Variants in AGBL3 observed in about 807,000 individuals in gnomAD.
AGBL3 encodes cytosolic carboxypeptidase 3.
AGBL3 carries 68 observed loss-of-function variants against 94.5 expected under a neutral mutation model. That is an observed-to-expected ratio of 0.72 (90% CI 0.59 to 0.88). The LOEUF (loss-of-function observed/expected upper bound fraction) is 0.88, where lower values mean the gene tolerates loss of function less well. AGBL3 is among the 40% of genes least tolerant of loss of function. AGBL3 has a pLI of 0.00. For synonymous variants in AGBL3, 354 were observed against 370.7 expected, an observed-to-expected ratio of 0.95 and a Z score of 0.52; for missense variants, 934 against 1,103.8, an observed-to-expected ratio of 0.85 and a Z score of 2.18.
chr7:135,124,999 G>A (rs74999598), intron 16 of AGBL3, among the ~76,000 whole-genome samples: 1 of 151,920 alleles, frequency 6.6e-6, no homozygotes, highest in Non-Finnish European at 1.5e-5. Flanking sequence ...AGCTAGAGAG[G>A]CAAGAGCAAA....
chr7:135,011,215 T>C (rs1240540446), intron 4 of AGBL3: 2 of 152,124 alleles, frequency 1.3e-5, no homozygotes, highest in African/African-American at 4.8e-5. Flanking sequence ...AATAATTGGA[T>C]TTCCATATGG....
intron 4 of AGBL3, chr7:135,011,475 A>C (rs889237991): frequency 4.6e-5 from 7 of 152,056 alleles, no homozygotes; most frequent in Admixed American, 2.6e-4. Context: ...GGCAAACAAT[A>C]GTTTGGGAGA....
intron 5 of AGBL3, among the ~76,000 whole-genome samples, chr7:135,024,705 G>A (rs912587480): frequency 4.6e-5 from 7 of 152,132 alleles, no homozygotes; most frequent in South Asian, 2.1e-4. Context: ...GAATCTTATC[G>A]AGATTCAGGA....
At chr7:135,071,789 G>C (rs1819936197) in intron 12 of AGBL3, among the ~76,000 whole-genome samples, 1 of 152,092 alleles carries the variant, frequency 6.6e-6, no homozygotes, top group Non-Finnish European at 1.5e-5. Flanking sequence ...TTAAATGTTA[G>C]ACCTAAAACC....
chr7:135,013,352 G>A (rs566367890), intron 4 of AGBL3, among the ~76,000 whole-genome samples: 2 of 152,186 alleles, frequency 1.3e-5, no homozygotes, highest in African/African-American at 4.8e-5. Flanking sequence ...TGACAGTTTT[G>A]TTTCTTAATA....
At chr7:135,128,663 G>C in intron 16 of AGBL3, 1 of 1,070,652 alleles carries the variant, frequency 9.3e-7, no homozygotes, top group South Asian at 1.3e-5. Context: ...TTAAGGAAGA[G>C]ACCCTAGTAT....
At chr7:135,003,000 T>G (rs1811917854) in intron 4 of AGBL3, among the ~76,000 whole-genome samples, 1 of 152,192 alleles carries the variant, frequency 6.6e-6, no homozygotes, top group South Asian at 2.1e-4. Context: ...TTTTTCTCAG[T>G]TTTTCATTTG....
rs1408397660 is a variant in AGBL3 at position 134,997,489 on chromosome 7, T to C, written c.310+3811T>C. On this transcript the variant is annotated intron_variant, in intron 4 of 16. Coordinates refer to ENST00000436302, the MANE Select transcript of AGBL3 (RefSeq NM_178563.4). Reference sequence around the variant, plus strand: ...AAGTGCTGCAAATCAGGGAAGCTCATCTAGCTTTGATGTCACTGGTTTCTA... The same window carrying C: ...AAGTGCTGCAAATCAGGGAAGCTCACCTAGCTTTGATGTCACTGGTTTCTA... 3.3e-5 allele frequency among the ~76,000 whole-genome samples: 5 copies of C among 152,334 alleles called. No homozygotes were observed. The East Asian group carries it at 9.6e-4, about 29-fold the overall frequency.
chr7:135,059,456 G>A (rs986402401), intron 12 of AGBL3, among the ~76,000 whole-genome samples: 5 of 152,178 alleles, frequency 3.3e-5, no homozygotes, highest in African/African-American at 1.2e-4. Context: ...CCATAGAGAT[G>A]AAATTATTTC....
At position 135,135,483 on chromosome 7, in the gene AGBL3, G is replaced by A; in HGVS notation, c.*222G>A. 5.8e-6 allele frequency: 2 copies of A among 346,878 alleles called. No homozygotes were observed. The highest frequency in any genetic ancestry group is 1.0e-5 in the Non-Finnish European group (2 of 198,408). 21.5% of individuals were successfully genotyped at this position (346,878 alleles called of 1,614,324 possible). A position where few individuals can be genotyped will look rare whatever the true frequency, so the allele number is the denominator to read the frequency against. On this transcript the variant is annotated 3_prime_UTR_variant, in exon 17 of 17. Transcript: ENST00000436302. ...GAAAATATGGAAAAATATTAAAGCA[G>A]ATATTTATATTTAGTTTTTATCAGC...
At chr7:135,088,103 A>G (rs1821475340) in intron 15 of AGBL3, among the ~76,000 whole-genome samples, 1 of 151,998 alleles carries the variant, frequency 6.6e-6, no homozygotes, top group African/African-American at 2.4e-5. Context: ...TTTGACTTAA[A>G]GTCTGTTTTA....
chr7:135,074,631 G>A (rs1820279317), intron 12 of AGBL3, among the ~76,000 whole-genome samples: 1 of 151,892 alleles, frequency 6.6e-6, no homozygotes, highest in Non-Finnish European at 1.5e-5. Flanking sequence ...TACTTTAAAG[G>A]ATTATACTCA....
In AGBL3 at chr7:134,989,283, G is replaced by T; in HGVS notation, c.97G>T (p.Asp33Tyr). ...EDMFMKFVSEDLHRCALLTAD... is the reference protein window; with the variant it reads ...EDMFMKFVSEYLHRCALLTAD... Reference sequence around the variant, plus strand: ...TATGTTCATGAAATTTGTAAGTGAAGATCTTCATCGGTGTGCACTTTTAAC... The same window carrying T: ...TATGTTCATGAAATTTGTAAGTGAATATCTTCATCGGTGTGCACTTTTAAC... Residue 33 changes from aspartate (D) to tyrosine (Y), a missense_variant, in exon 3 of 17, where the codon GAT becomes TAT. By Grantham distance (160) the Asp-to-Tyr change is radical (BLOSUM62 -3). Transcript: ENST00000436302. 1 of 1,548,044 alleles carries T rather than the reference G, an allele frequency of 6.5e-7. No homozygotes were observed. Among genetic ancestry groups the T allele is most frequent in the Non-Finnish European group, 8.7e-7 (1 of 1,145,370 alleles).
intron 16 of AGBL3, among the ~76,000 whole-genome samples, chr7:135,125,054 G>A (rs932752405): frequency 6.6e-6 from 1 of 152,074 alleles, no homozygotes; most frequent in Non-Finnish European, 1.5e-5. Context: ...TAAGATTAGA[G>A]CAGAATTGAA....
intron 12 of AGBL3, among the ~76,000 whole-genome samples, chr7:135,072,964 T>G (rs1284428082): frequency 7.3e-5 from 11 of 150,860 alleles, no homozygotes; most frequent in Admixed American, 7.3e-4. Flanking sequence ...ACAAAAAAGA[T>G]GAGGGGTGTG....
At chr7:135,010,511 A>C (rs1813014162) in intron 4 of AGBL3, 1 of 153,806 alleles carries the variant, frequency 6.5e-6, no homozygotes, top group African/African-American at 2.4e-5. Context: ...TATTTATACA[A>C]CTGTCAAAAT....
At chr7:135,000,059 G>A (rs1277061136) in intron 4 of AGBL3, among the ~76,000 whole-genome samples, 2 of 152,202 alleles carry the variant, frequency 1.3e-5, no homozygotes, top group African/African-American at 4.8e-5. Context: ...AACAGAATGA[G>A]TATCTCCTTG....
At chr7:135,067,485 C>A (rs1183414430) in intron 12 of AGBL3, among the ~76,000 whole-genome samples, 42 of 152,152 alleles carry the variant, frequency 2.8e-4, no homozygotes, top group Admixed American at 2.7e-3. Flanking sequence ...TGGGAGGCAC[C>A]CCCCAGTAGG....
At chr7:135,069,265 CAAT>C (rs972294610) in intron 12 of AGBL3, among the ~76,000 whole-genome samples, 19 of 152,120 alleles carry the variant, frequency 1.2e-4, no homozygotes, top group African/African-American at 4.6e-4. Flanking sequence ...GACTCCCACA[CAAT>C]AATAATGGGA....
Sources: allele counts gnomAD v4.1 joint callset (sites outside exome capture counted in the v4.1 genomes callset), GRCh38; gene constraint gnomAD v4.1.1; transcripts MANE v1.5; gene names NCBI Gene and HGNC (gene_info 2026-07-23, HGNC 2026-07-21).